GOLT1B: variants seen among roughly 807,000 people sequenced by gnomAD.
The protein encoded by GOLT1B is golgi transport 1B.
In GOLT1B, 3 loss-of-function variants were observed where a neutral mutation model predicts 15.4. That is an observed-to-expected ratio of 0.19 (90% CI 0.09 to 0.50). The LOEUF (loss-of-function observed/expected upper bound fraction) is 0.50, where lower values mean the gene tolerates loss of function less well. Ranked by LOEUF, GOLT1B falls within the 20% of genes least tolerant of loss-of-function variation. GOLT1B has a pLI of 0.97. For synonymous variants in GOLT1B, 65 were observed against 56.2 expected (o/e 1.16, Z -0.70); for missense variants, 145 against 160.4 (o/e 0.90, Z 0.52).
rs537461850 is a variant in GOLT1B, at chr12:21,502,649, C to T, written c.25+701C>T. On this transcript the variant is annotated intron_variant, in intron 1 of 4. Transcript: ENST00000229314. ...TTTTAGCATCGCTCTCTGCCTGCCA[C>T]AGAGTTCTCCAGGCCTATTTCATCT... Among the ~76,000 whole-genome samples, 356 of 152,292 alleles carry T rather than the reference C, an allele frequency of 2.3e-3. 1 individual carries two copies. The highest frequency in any genetic ancestry group is 6.8e-3 in the Middle Eastern group (2 of 294).
At position 21,511,092 on chromosome 12, in the gene GOLT1B, A is replaced by G. The variant is rs558789800; in HGVS notation, c.297-1203A>G. ...CACAGGTTGAGGGCTCAGTCCCACA[A>G]CTGTCCTCCACTCCCAATGATGCCA... On this transcript the variant is annotated intron_variant, in intron 3 of 4. Coordinates refer to ENST00000229314, the MANE Select transcript of GOLT1B (RefSeq NM_016072.5). 7.2e-5 allele frequency among the ~76,000 whole-genome samples: 11 copies of G among 152,154 alleles called. No individual in the cohort carries two copies. The East Asian group carries it at 9.7e-4, about 13-fold the overall frequency.
chr12:21,513,096 T>C (rs1254727475), intron 4 of GOLT1B, among the ~76,000 whole-genome samples: 1 of 142,566 alleles, frequency 7.0e-6, no homozygotes, highest in Non-Finnish European at 1.5e-5. Context: ...AAAAAAAGAG[T>C]TGAATAAAGC....
intron 3 of GOLT1B, among the ~76,000 whole-genome samples, chr12:21,509,164 C>T (rs955551015): frequency 1.4e-4 from 22 of 151,816 alleles, no homozygotes; most frequent in Non-Finnish European, 2.4e-4. Context: ...TTTGGGAGGC[C>T]GAGGTGGGCG....
At chr12:21,507,197 GTGTT>G in intron 2 of GOLT1B, 2 of 527,320 alleles carry the variant, frequency 3.8e-6, no homozygotes, top group Non-Finnish European at 6.9e-6. Flanking sequence ...ACTCTGTTAA[GTGTT>G]TGTCATGAGA....
rs766612381 is a variant in GOLT1B at position 21,512,359 on chromosome 12, T to G, written c.361T>G (p.Leu121Val). Residue 121 changes from leucine (L) to valine (V), a missense_variant, in exon 4 of 5, where the codon TTA (leucine) becomes GTA (valine). By Grantham distance (32) the Leu-to-Val change is conservative. Transcript: ENST00000229314. ...RVPVLGSLLN[L>V]PGIRSFVDKV... ...GCCAGTCCTTGGATCCCTCCTAAAT[T>G]TACCTGGAATTAGATCAGTAAGTAA... The G allele has an allele frequency of 1.3e-6, 2 of 1,491,698 alleles. No homozygotes were observed. The highest frequency in any genetic ancestry group is 2.3e-5 in the South Asian group (2 of 88,266). 92.4% of individuals were successfully genotyped at this position (1,491,698 alleles called of 1,614,324 possible).
At chr12:21,510,865 T>C (rs1412857325) in intron 3 of GOLT1B, among the ~76,000 whole-genome samples, 2 of 152,220 alleles carry the variant, frequency 1.3e-5, no homozygotes. Flanking sequence ...CATTGTAGTA[T>C]TTTCATCCCT....
In GOLT1B at chr12:21,517,858, A is replaced by G. The variant is rs1943767615; in HGVS notation, c.*2151A>G. On this transcript the variant is annotated 3_prime_UTR_variant, in exon 5 of 5. Coordinates refer to ENST00000229314, the MANE Select transcript of GOLT1B (RefSeq NM_016072.5). ...TAAACATACTAGTCTGCTGATAGAA[A>G]GCACTATACATCCTATTGTTTCTTT... The G allele has an allele frequency of 6.6e-6, 1 of 152,560 alleles. No homozygotes were observed. 9.5% of individuals were successfully genotyped at this position (152,560 alleles called of 1,614,324 possible).
At position 21,515,650 on chromosome 12, in the gene GOLT1B, GT is replaced by G; in HGVS notation, c.379-14del. The G allele has an allele frequency of 1.6e-6, 2 of 1,278,530 alleles. No homozygotes were observed. The highest frequency in any genetic ancestry group is 2.2e-6 in the Non-Finnish European group (2 of 889,294). 79.2% of individuals were successfully genotyped at this position (1,278,530 alleles called of 1,614,324 possible). ...TGTTCCGGGCTTTCTTTAATTCTCT[GT>G]TTTTCTTCTCCTTACAGTTTGTAGA... On this transcript the variant is annotated intron_variant, in intron 4 of 4. Coordinates refer to ENST00000229314, the MANE Select transcript of GOLT1B (RefSeq NM_016072.5).
chr12:21,506,260 C>G (rs1341419869), intron 1 of GOLT1B, among the ~76,000 whole-genome samples: 1 of 151,936 alleles, frequency 6.6e-6, no homozygotes, highest in Admixed American at 6.6e-5. Context: ...GTAGATAAGT[C>G]CATAATAAGT....
At position 21,517,104 on chromosome 12, in the gene GOLT1B, A is replaced by T. The variant is rs1042721887; in HGVS notation, c.*1397A>T. 3 of 152,476 alleles carry T rather than the reference A, an allele frequency of 2.0e-5. No homozygotes were observed. The highest frequency in any genetic ancestry group is 7.2e-5 in the African/African-American group (3 of 41,440). 9.4% of individuals were successfully genotyped at this position (152,476 alleles called of 1,614,324 possible). On this transcript the variant is annotated 3_prime_UTR_variant, in exon 5 of 5. Transcript: ENST00000229314. ...GTTGCAAAGCTTTTTAATGCATAAA[A>T]GTATAATTGAAATCTGTGGTATTTA...
At chr12:21,502,573 A>G (rs1943641445) in intron 1 of GOLT1B, among the ~76,000 whole-genome samples, 1 of 152,164 alleles carries the variant, frequency 6.6e-6, no homozygotes, top group African/African-American at 2.4e-5. Flanking sequence ...GTGCCATTAA[A>G]GGATATATTT....
At chr12:21,504,935 T>A (rs184940060) in intron 1 of GOLT1B, among the ~76,000 whole-genome samples, 1 of 152,266 alleles carries the variant, frequency 6.6e-6, no homozygotes, top group East Asian at 1.9e-4. Flanking sequence ...CCAAACACCT[T>A]TAACCTAAAA....
At chr12:21,511,080 C>T (rs915969233) in intron 3 of GOLT1B, among the ~76,000 whole-genome samples, 24 of 152,280 alleles carry the variant, frequency 1.6e-4, no homozygotes, top group African/African-American at 5.5e-4. Context: ...AGGTTGAGGG[C>T]TCAGTCCCAC....
In GOLT1B at chr12:21,510,977, C is replaced by G. The variant is rs112169804; in HGVS notation, c.297-1318C>G. Among the ~76,000 whole-genome samples, 30 of 152,296 alleles carry G rather than the reference C, an allele frequency of 2.0e-4. 1 individual carries two copies. The highest frequency in any genetic ancestry group is 7.2e-4 in the African/African-American group (30 of 41,578). On this transcript the variant is annotated intron_variant, in intron 3 of 4. Coordinates refer to ENST00000229314, the MANE Select transcript of GOLT1B (RefSeq NM_016072.5). ...AATGGGTGGGGGGTTTTCCCGATAT[C>G]GCAATCAGTTAGTTGTCTGCAACAG... is the stretch of plus-strand genomic sequence containing the variant.
At chr12:21,512,886 G>A (rs1943729749) in intron 4 of GOLT1B, among the ~76,000 whole-genome samples, 2 of 151,970 alleles carry the variant, frequency 1.3e-5, no homozygotes, top group African/African-American at 4.8e-5. Context: ...GCAACATGGT[G>A]AAACCCCATC....
chr12:21,512,484 GAT>G, intron 4 of GOLT1B, 108 bp downstream of exon 4: 1 of 686,246 alleles, frequency 1.5e-6, no homozygotes, highest in Non-Finnish European at 2.6e-6. Flanking sequence ...TTTGTATTAT[GAT>G]ATAGTTACTT....
Position 21,512,391 on chromosome 12 carries a change from A to G in GOLT1B, c.378+15A>G. 2.5e-6 allele frequency: 3 copies of G among 1,181,210 alleles called. No individual in the cohort carries two copies. The highest frequency in any genetic ancestry group is 2.5e-6 in the Non-Finnish European group (2 of 790,240). The allele number at this position is 1,181,210 out of a possible 1,614,324, so 73.2% of individuals were successfully genotyped here. A position where few individuals can be genotyped will look rare whatever the true frequency, so the allele number is the denominator to read the frequency against. On this transcript the variant is annotated intron_variant, in intron 4 of 4. Coordinates refer to ENST00000229314, the MANE Select transcript of GOLT1B (RefSeq NM_016072.5). ...GAATTAGATCAGTAAGTAATCATGT[A>G]TATTTTAGGCCAACAAAATACGTAT...
intron 3 of GOLT1B, among the ~76,000 whole-genome samples, chr12:21,511,499 T>G (rs986836039): frequency 6.6e-6 from 1 of 152,136 alleles, no homozygotes; most frequent in African/African-American, 2.4e-5. Flanking sequence ...CTCCCCTTCG[T>G]GGAGGTTAGG....
chr12:21,515,405 G>C, intron 4 of GOLT1B: 1 of 578,804 alleles, frequency 1.7e-6, no homozygotes, highest in Non-Finnish European at 3.0e-6. Context: ...TATTCATTGT[G>C]TTGCATTTTT....
Sources: gnomAD v4.1 joint callset for allele counts (sites outside exome capture counted in the v4.1 genomes callset) on GRCh38, gnomAD v4.1.1 for gene constraint, MANE v1.5 for transcripts, NCBI Gene and HGNC (gene_info 2026-07-23, HGNC 2026-07-21) for gene names.